Variants in KLHL7 observed in about 807,000 individuals in gnomAD.
KLHL7 encodes kelch-like protein 7.
KLHL7 carries 44 observed loss-of-function variants against 67.4 expected under a neutral mutation model. The observed-to-expected ratio is 0.65, with a 90% CI of 0.51 to 0.84. The LOEUF (loss-of-function observed/expected upper bound fraction) is 0.84. KLHL7 is among the 40% of genes least tolerant of loss of function. The probability of loss-of-function intolerance (pLI) is 0.00; values close to 1 mark genes in which losing one functional copy is unlikely to be tolerated. For missense variants in KLHL7, 362 were observed against 718.1 expected, an observed-to-expected ratio of 0.50 and a Z score of 5.67; for synonymous variants, 252 against 243.3, an observed-to-expected ratio of 1.04 and a Z score of -0.33.
At chr7:23,173,071 A>G in intron 10 of KLHL7, 26 bp downstream of exon 10, 2 of 1,533,892 alleles carry the variant, frequency 1.3e-6, no homozygotes, top group Non-Finnish European at 1.8e-6. Flanking sequence ...TCACTGTTCC[A>G]CTTTCCTGAT....
At chr7:23,119,716 A>G (rs1383806674) in intron 1 of KLHL7, among the ~76,000 whole-genome samples, 1 of 152,172 alleles carries the variant, frequency 6.6e-6, no homozygotes, top group African/African-American at 2.4e-5. Flanking sequence ...CACTTAATGA[A>G]GATCCCTCAC....
At chr7:23,112,022 A>G (rs1198358538) in intron 1 of KLHL7, among the ~76,000 whole-genome samples, 5 of 152,136 alleles carry the variant, frequency 3.3e-5, no homozygotes, top group African/African-American at 1.2e-4. Flanking sequence ...AGATAATAAA[A>G]TCAACAGGAC....
At chr7:23,141,645 C>T (rs565686084) in intron 5 of KLHL7, among the ~76,000 whole-genome samples, 5 of 151,938 alleles carry the variant, frequency 3.3e-5, no homozygotes, top group South Asian at 4.1e-4. Context: ...TTTATTGAGA[C>T]GGAGTCTCGC....
Position 23,172,116 on chromosome 7 carries a change from G to A in KLHL7, c.1380-832G>A, listed in dbSNP as rs1241838130. ...TCCTTACTGTTGTTTGGCGTCTCTT[G>A]GTTTAAGTTAGCTGCTGAAAGCACA... On this transcript the variant is annotated intron_variant, in intron 9 of 10. Coordinates refer to ENST00000339077, the MANE Select transcript of KLHL7 (RefSeq NM_001031710.3). 4 of 455,764 alleles carry A rather than the reference G, an allele frequency of 8.8e-6. No individual in the cohort carries two copies. In the East Asian group the frequency reaches 2.1e-4, roughly 24 times the overall value. 28.2% of individuals were successfully genotyped at this position (455,764 alleles called of 1,614,324 possible).
At chr7:23,165,580 G>A (rs1348948962) in intron 7 of KLHL7, 118 bp from the exon 8 acceptor site, 12 of 1,160,800 alleles carry the variant, frequency 1.0e-5, no homozygotes, top group Admixed American at 5.9e-5. Flanking sequence ...CCAAACATTT[G>A]TATGTGTAGT....
Position 23,175,528 on chromosome 7 carries a change from G to C in KLHL7, c.*1230G>C, listed in dbSNP as rs1785278124. 1.2e-5 allele frequency: 4 copies of C among 327,548 alleles called. No homozygotes were observed. Among genetic ancestry groups the C allele is most frequent in the South Asian group, 1.0e-4 (4 of 38,428 alleles). 20.3% of individuals were successfully genotyped at this position (327,548 alleles called of 1,614,324 possible). A position where few individuals can be genotyped will look rare whatever the true frequency, so the allele number is the denominator to read the frequency against. On this transcript the variant is annotated 3_prime_UTR_variant, in exon 11 of 11. Transcript: ENST00000339077. ...TTTTCTTTATATAGAGGTTATAATA[G>C]TCTTAAACCCTAAAAATGTTTAAAT...
In KLHL7 at chr7:23,124,190, CAAAAAAAAAAAAAAAA is replaced by C. The variant is rs149801497; in HGVS notation, c.223+328_223+343del. Among the ~76,000 whole-genome samples the C allele has an allele frequency of 3.0e-3, 78 of 25,874 alleles. 1 individual carries two copies. The highest frequency in any genetic ancestry group is 0.012 in the East Asian group (5 of 434). The allele number at this position is 25,874 out of a possible 152,430, so 17.0% of individuals were successfully genotyped here. On this transcript the variant is annotated intron_variant, in intron 2 of 10. Coordinates refer to ENST00000339077, the MANE Select transcript of KLHL7 (RefSeq NM_001031710.3). ...TGGGCGTCAGAGCGAGACTCTGTCT[CAAAAAAAAAAAAAAAA>C]AAAAAAAAAAAAAAAAGCCCAGGGT...
chr7:23,154,239 C>T (rs1583710947), intron 7 of KLHL7, among the ~76,000 whole-genome samples: 1 of 152,124 alleles, frequency 6.6e-6, no homozygotes, highest in South Asian at 2.1e-4. Flanking sequence ...TCTGAAATGT[C>T]AGCTACTCGG....
At chr7:23,144,906 T>C (rs1157903331) in intron 6 of KLHL7, among the ~76,000 whole-genome samples, 1 of 145,216 alleles carries the variant, frequency 6.9e-6, no homozygotes, top group Non-Finnish European at 1.5e-5. Flanking sequence ...GAGATTCACC[T>C]GGGCAACATA....
At chr7:23,136,355 C>G (rs1004730457) in intron 4 of KLHL7, among the ~76,000 whole-genome samples, 1 of 152,090 alleles carries the variant, frequency 6.6e-6, no homozygotes, top group Admixed American at 6.5e-5. Flanking sequence ...AAGGATGTAC[C>G]GGTTAGGTTT....
intron 2 of KLHL7, 149 bp downstream of exon 2, chr7:23,124,028 T>G: frequency 4.7e-6 from 3 of 639,390 alleles, no homozygotes; most frequent in East Asian, 2.9e-5. Context: ...AGTCAGCTGA[T>G]AACCAAAGGA....
At chr7:23,127,980 A>G (rs1783639087) in intron 4 of KLHL7, among the ~76,000 whole-genome samples, 1 of 150,546 alleles carries the variant, frequency 6.6e-6, no homozygotes, top group South Asian at 2.1e-4. Flanking sequence ...AAGGGAACAA[A>G]TTAACCGGGC....
intron 7 of KLHL7, among the ~76,000 whole-genome samples, chr7:23,163,711 CTTTAT>C (rs1784916468): frequency 6.6e-6 from 1 of 152,154 alleles, no homozygotes; most frequent in African/African-American, 2.4e-5. Flanking sequence ...GAAAATAGGA[CTTTAT>C]ACATGGATGT....
At chr7:23,121,648 G>A (rs915596155) in intron 1 of KLHL7, among the ~76,000 whole-genome samples, 2 of 151,012 alleles carry the variant, frequency 1.3e-5, no homozygotes, top group African/African-American at 4.9e-5. Flanking sequence ...ATTAATAACA[G>A]GAGGGGCCTT....
chr7:23,122,506 C>T (rs1442606362), intron 1 of KLHL7, among the ~76,000 whole-genome samples: 1 of 152,086 alleles, frequency 6.6e-6, no homozygotes, highest in Non-Finnish European at 1.5e-5. Flanking sequence ...TCTGTACCCC[C>T]TCCCCAAATG....
intron 1 of KLHL7, among the ~76,000 whole-genome samples, chr7:23,123,211 G>A (rs534350246): frequency 6.6e-6 from 1 of 152,166 alleles, no homozygotes; most frequent in Non-Finnish European, 1.5e-5. Flanking sequence ...TGAGAGAAGT[G>A]TTATTTAATA....
chr7:23,110,605 G>GTT (rs59132202), intron 1 of KLHL7, among the ~76,000 whole-genome samples: 1 of 145,874 alleles, frequency 6.9e-6, no homozygotes, highest in African/African-American at 2.5e-5. Flanking sequence ...ATTTTCTTTT[G>GTT]TTTTTTTTTT....
At chr7:23,124,190 CAAAAAAAAAAAAAAAAAAAA>C (rs149801497) in intron 2 of KLHL7, among the ~76,000 whole-genome samples, 1 of 25,868 alleles carries the variant, frequency 3.9e-5, no homozygotes, top group Non-Finnish European at 6.3e-5. Context: ...GACTCTGTCT[CAAAAAAAAAAAAAAAAAAAA>C]AAAAAAAAAA....
chr7:23,150,483 C>A (rs1583704130), intron 6 of KLHL7, among the ~76,000 whole-genome samples: 1 of 152,004 alleles, frequency 6.6e-6, no homozygotes, highest in Non-Finnish European at 1.5e-5. Context: ...TGCTTTTTTT[C>A]ATTCCATATT....
Sources: gnomAD v4.1 joint callset for allele counts (sites outside exome capture counted in the v4.1 genomes callset) on GRCh38, gnomAD v4.1.1 for gene constraint, MANE v1.5 for transcripts, NCBI Gene and HGNC (gene_info 2026-07-23, HGNC 2026-07-21) for gene names.